Variants in HRH2 observed in about 807,000 individuals in gnomAD.
HRH2 encodes the protein histamine H2 receptor.
HRH2 carries 4 observed loss-of-function variants against 20.1 expected under a neutral mutation model. That is an observed-to-expected ratio of 0.20 (90% CI 0.10 to 0.45). HRH2 has a LOEUF of 0.45. HRH2 is among the 20% of genes least tolerant of loss of function. The pLI is 0.99. For synonymous variants in HRH2, 197 were observed against 200.7 expected, an observed-to-expected ratio of 0.98 and a Z score of 0.16; for missense variants, 250 against 461.6, an observed-to-expected ratio of 0.54 and a Z score of 4.20.
intron 2 of HRH2, among the ~76,000 whole-genome samples, chr5:175,689,333 C>T (rs1170884977): frequency 1.3e-5 from 2 of 151,126 alleles, no homozygotes; most frequent in African/African-American, 2.4e-5. Context: ...TCTTCCCCCT[C>T]TTGACTTACT....
chr5:175,687,017 C>T lies in HRH2; in HGVS notation c.1076+2708C>T, dbSNP rs1189953907. On this transcript the variant is annotated intron_variant, in intron 2 of 2. Transcript: ENST00000636584. This position sits in a 1 kb window ranked among gnomAD's most constrained non-coding sequence, Gnocchi z 5.2. ...CAGGGCCAGCAGAGAGGTGGTGCCT[C>T]CCAGGGTCATGCATGCAGCCGTGGA... is the stretch of plus-strand genomic sequence containing the variant. 1.3e-5 allele frequency among the ~76,000 whole-genome samples: 2 copies of T among 152,104 alleles called. No individual in the cohort carries two copies. The highest frequency in any genetic ancestry group is 3.9e-4 in the East Asian group (2 of 5,158).
At chr5:175,704,089 C>T (rs1343304578) in intron 2 of HRH2, 1 of 152,102 alleles carries the variant, frequency 6.6e-6, no homozygotes, top group African/African-American at 2.4e-5. Flanking sequence ...AAAGAGATCA[C>T]TGTGCAGTCC....
intron 1 of HRH2, among the ~76,000 whole-genome samples, chr5:175,678,883 G>A (rs565626282): frequency 6.6e-6 from 1 of 152,364 alleles, no homozygotes; most frequent in South Asian, 2.1e-4. Context: ...GCTGAAGAGG[G>A]AAAAGAAAGT....
intron 1 of HRH2, among the ~76,000 whole-genome samples, chr5:175,663,893 C>T (rs1484163373): frequency 6.6e-6 from 1 of 152,250 alleles, no homozygotes; most frequent in Admixed American, 6.5e-5. Flanking sequence ...TGAGCCTCAG[C>T]TGCCCCATCT....
intron 1 of HRH2, among the ~76,000 whole-genome samples, chr5:175,682,060 G>A (rs1433862888): frequency 6.6e-6 from 1 of 152,232 alleles, no homozygotes; most frequent in African/African-American, 2.4e-5. Context: ...TTACATTTCA[G>A]TGTTCATTAC....
rs981215676 is a variant in HRH2 at position 175,683,106 on chromosome 5, A to C, written c.-128A>C. On this transcript the variant is annotated 5_prime_UTR_variant, in exon 2 of 3. Coordinates refer to ENST00000636584, the MANE Select transcript of HRH2 (RefSeq NM_001367711.1). ...ACCCCCTGGCCAAAAAAAAAAAAAAAAAAAAACTGGACACATTTTGGATCT... is the reference window on the plus strand; with the variant it reads ...ACCCCCTGGCCAAAAAAAAAAAAAACAAAAAACTGGACACATTTTGGATCT... 3.9e-6 allele frequency: 5 copies of C among 1,275,474 alleles called. No individual in the cohort carries two copies. Among genetic ancestry groups the C allele is most frequent in the Non-Finnish European group, 5.3e-6 (5 of 937,306 alleles). 79.0% of individuals were successfully genotyped at this position (1,275,474 alleles called of 1,614,324 possible). A position where few individuals can be genotyped will look rare whatever the true frequency, so the allele number is the denominator to read the frequency against.
At chr5:175,682,516 C>A (rs1338115841) in intron 1 of HRH2, among the ~76,000 whole-genome samples, 193 bp from the exon 2 acceptor site, 1 of 152,126 alleles carries the variant, frequency 6.6e-6, no homozygotes, top group African/African-American at 2.4e-5. Flanking sequence ...CCCCTTGCAT[C>A]CTGCCTCCCT....
chr5:175,706,265 A>G (rs1173270274), intron 2 of HRH2, among the ~76,000 whole-genome samples: 1 of 152,228 alleles, frequency 6.6e-6, no homozygotes, highest in Non-Finnish European at 1.5e-5. Flanking sequence ...TGTTTTATAT[A>G]GCGTCTCTTT....
chr5:175,688,063 A>C (rs934492028), intron 2 of HRH2, among the ~76,000 whole-genome samples: 1 of 152,080 alleles, frequency 6.6e-6, no homozygotes, highest in Non-Finnish European at 1.5e-5. Context: ...CCCCTCTCAC[A>C]TCACTCCAGC....
chr5:175,684,783 C>T (rs189842883), intron 2 of HRH2, among the ~76,000 whole-genome samples: 3 of 152,098 alleles, frequency 2.0e-5, no homozygotes, highest in South Asian at 2.1e-4. Context: ...TTATTGAGCA[C>T]CTGCTATGCA....
Position 175,684,423 on chromosome 5 carries a change from C to T in HRH2, c.1076+114C>T, listed in dbSNP as rs145249502. 6.0e-4 allele frequency: 863 copies of T among 1,429,862 alleles called. 5 individuals carry two copies. The African/African-American group carries it at 8.5e-3, about 14-fold the overall frequency. 88.6% of individuals were successfully genotyped at this position (1,429,862 alleles called of 1,614,324 possible). On this transcript the variant is annotated intron_variant, in intron 2 of 2. Transcript: ENST00000636584. ...GGTGCTGGTTTATGTTCTAGGAACT[C>T]TTCATGAGCACTTTGTAAACACCCT...
chr5:175,691,272 GGAA>G (rs764857031), intron 2 of HRH2: 8 of 152,516 alleles, frequency 5.2e-5, no homozygotes, highest in Non-Finnish European at 7.3e-5. Context: ...GGAAGTCAGG[GGAA>G]GGAGAGCAGA....
chr5:175,684,248 C>G lies in HRH2; in HGVS notation c.1015C>G (p.Pro339Ala). The change falls in exon 2 of 3, where the codon CCC (proline) becomes GCC (alanine). Residue 339 changes from proline to alanine, a missense_variant. Pro to Ala is a conservative substitution (Grantham distance 27, BLOSUM62 -1). Transcript: ENST00000636584. ...SREPRQQEEK[P>A]LKLQVWSGTE... ...AGAACCCAGGCAACAGGAAGAGAAA[C>G]CCCTGAAGCTCCAGGTGTGGAGTGG... 1 of 1,614,190 alleles carries G rather than the reference C, an allele frequency of 6.2e-7. No individual in the cohort carries two copies. Among genetic ancestry groups the G allele is most frequent in the Non-Finnish European group, 8.5e-7 (1 of 1,180,028 alleles).
At chr5:175,691,197 T>G (rs948637772) in intron 2 of HRH2, 1 of 152,346 alleles carries the variant, frequency 6.6e-6, no homozygotes, top group Non-Finnish European at 1.5e-5. Context: ...AGCTCACAGT[T>G]AATCCTCTTC....
intron 1 of HRH2, among the ~76,000 whole-genome samples, chr5:175,667,559 A>T (rs1762941106): frequency 6.6e-6 from 1 of 151,782 alleles, no homozygotes; most frequent in South Asian, 2.1e-4. Context: ...CTGTCCTACC[A>T]GGCATACATT....
chr5:175,660,415 TGA>T (rs1185078969), intron 1 of HRH2, among the ~76,000 whole-genome samples: 1 of 152,084 alleles, frequency 6.6e-6, no homozygotes, highest in Non-Finnish European at 1.5e-5. Flanking sequence ...CACCAAAAGT[TGA>T]GAGTTTTTAA....
At chr5:175,685,415 G>C (rs750093835) in intron 2 of HRH2, 38 of 1,550,814 alleles carry the variant, frequency 2.5e-5, no homozygotes, top group Non-Finnish European at 3.0e-5. Context: ...ACAGACCATG[G>C]CTTTGCCTTC....
chr5:175,670,006 G>C (rs1337625862), intron 1 of HRH2, among the ~76,000 whole-genome samples: 1 of 152,172 alleles, frequency 6.6e-6, no homozygotes, highest in Non-Finnish European at 1.5e-5. Flanking sequence ...AGCCCCCTCG[G>C]GGTGACAAAC....
rs1284074306 is a variant in HRH2, at chr5:175,693,344, AG to A, written c.1076+9037del. Among the ~76,000 whole-genome samples the A allele has an allele frequency of 6.6e-6, 1 of 152,174 alleles. No homozygotes were observed. The highest frequency in any genetic ancestry group is 2.4e-5 in the African/African-American group (1 of 41,458). On this transcript the variant is annotated intron_variant, in intron 2 of 2. Transcript: ENST00000636584. The surrounding 1 kb of genome is among the most constrained non-coding windows in gnomAD (Gnocchi z 4.4). ...TTCCCTCCCCACCCTGCCTGGAGAC[AG>A]GAAGTCGAGGTGGTCCCGACTGCCA...
Sources: gnomAD v4.1 joint callset for allele counts (sites outside exome capture counted in the v4.1 genomes callset) on GRCh38, gnomAD v4.1.1 for gene constraint, Gnocchi (gnomAD v3.1) non-coding constraint, MANE v1.5 for transcripts, NCBI Gene and HGNC (gene_info 2026-07-23, HGNC 2026-07-21) for gene names.